Variants in LARS2 observed in about 807,000 individuals in gnomAD.
LARS2 encodes the protein leucine--tRNA ligase, mitochondrial.
Under a neutral mutation model 116.6 loss-of-function variants are expected in LARS2, and 81 were observed. The observed-to-expected ratio is 0.69, with a 90% CI of 0.58 to 0.84. LARS2 has a LOEUF of 0.84. LARS2 is among the 40% of genes least tolerant of loss of function. The pLI is 0.00. For synonymous variants in LARS2, 396 were observed against 407.2 expected, an observed-to-expected ratio of 0.97 and a Z score of 0.33; for missense variants, 968 against 1,114.5, an observed-to-expected ratio of 0.87 and a Z score of 1.87.
rs191740238 is a variant in LARS2, at chr3:45,533,719, G to A, written c.2405-8110G>A. Among the ~76,000 whole-genome samples the A allele has an allele frequency of 2.2e-4, 34 of 152,180 alleles. 1 individual carries two copies. The East Asian group carries it at 6.4e-3, about 29-fold the overall frequency. ...GGGTCAGAGGATCTACTCTGTCTAG[G>A]GTCCTTCCTCTCCCTGGCAGGTCTT... On this transcript the variant is annotated intron_variant, in intron 20 of 21. Transcript: ENST00000645846.
At chr3:45,512,918 G>A (rs1162487025) in intron 15 of LARS2, among the ~76,000 whole-genome samples, 6 of 152,170 alleles carry the variant, frequency 3.9e-5, no homozygotes, top group African/African-American at 1.2e-4. Context: ...TTGGGGGGCC[G>A]AGGCAGGTGG....
chr3:45,543,846 G>A (rs1056332701), intron 21 of LARS2, among the ~76,000 whole-genome samples: 3 of 152,140 alleles, frequency 2.0e-5, no homozygotes, highest in African/African-American at 7.2e-5. Flanking sequence ...TCCTCAGCCC[G>A]GTTGAGAAAT....
intron 12 of LARS2, 139 bp from the exon 13 acceptor site, chr3:45,491,378 A>G (rs937975610): frequency 8.8e-5 from 73 of 829,580 alleles, no homozygotes; most frequent in Non-Finnish European, 1.0e-4. Context: ...CCTAGGGCTC[A>G]TGAAAGTTAT....
chr3:45,419,557 C>T (rs2125687856), intron 5 of LARS2, 112 bp from the exon 6 acceptor site: 1 of 818,082 alleles, frequency 1.2e-6, no homozygotes, highest in South Asian at 1.6e-5. Flanking sequence ...ACACTTAAAA[C>T]CCATTTGAAT....
intron 10 of LARS2, among the ~76,000 whole-genome samples, chr3:45,482,191 A>T (rs1458554779): frequency 6.6e-6 from 1 of 152,144 alleles, no homozygotes; most frequent in African/African-American, 2.4e-5. Context: ...GGGCTTCACA[A>T]TTGTTTTTTA....
intron 3 of LARS2, among the ~76,000 whole-genome samples, chr3:45,399,534 T>G (rs879856139): frequency 6.6e-6 from 1 of 152,168 alleles, no homozygotes; most frequent in Non-Finnish European, 1.5e-5. Context: ...TTTACTTTCC[T>G]AATAATCTTG....
chr3:45,461,316 T>G (rs1699319864), intron 8 of LARS2, among the ~76,000 whole-genome samples: 1 of 151,896 alleles, frequency 6.6e-6, no homozygotes, highest in Non-Finnish European at 1.5e-5. Context: ...TAGGTAGACA[T>G]GAAACTTCAG....
rs150173813 is a variant in LARS2, at chr3:45,543,228, A to G, written c.2532+1272A>G. 1.1e-4 allele frequency among the ~76,000 whole-genome samples: 17 copies of G among 152,334 alleles called. No individual in the cohort carries two copies. In the East Asian group the frequency reaches 3.3e-3, roughly 29 times the overall value. ...AACCAAAACCAACCATCCTTGTGGC[A>G]TGGAGGAAATTTCTTTTCTTTCTTT... On this transcript the variant is annotated intron_variant, in intron 21 of 21. Transcript: ENST00000645846.
At position 45,524,010 on chromosome 3, in the gene LARS2, G is replaced by C. The variant is rs551442373; in HGVS notation, c.2306G>C (p.Ser769Thr). Reference sequence around the variant, plus strand: ...CCTCTTCCTTAGCAAGCCTCTCAGAGCGTCATTCTCCACAGCCCCGAGTTT... The same window carrying C: ...CCTCTTCCTTAGCAAGCCTCTCAGACCGTCATTCTCCACAGCCCCGAGTTT... ...LSNALSQASQ[S>T]VILHSPEFED... Residue 769 changes from serine (S) to threonine (T), a missense_variant, in exon 20 of 22, where the codon AGC becomes ACC. Coordinates refer to ENST00000645846, the MANE Select transcript of LARS2 (RefSeq NM_015340.4). 1 of 1,613,708 alleles carries C rather than the reference G, an allele frequency of 6.2e-7. No individual in the cohort carries two copies. Among genetic ancestry groups the C allele is most frequent in the Non-Finnish European group, 8.5e-7 (1 of 1,179,772 alleles).
At chr3:45,507,620 A>G (rs553309515) in intron 15 of LARS2, among the ~76,000 whole-genome samples, 2 of 152,242 alleles carry the variant, frequency 1.3e-5, no homozygotes, top group South Asian at 4.1e-4. Flanking sequence ...TTTCAATTAA[A>G]TTACAAAGAA....
chr3:45,419,792 C>T, intron 6 of LARS2, 63 bp downstream of exon 6: 2 of 1,297,212 alleles, frequency 1.5e-6, no homozygotes, highest in East Asian at 2.3e-5. Flanking sequence ...GCAGGGAGCA[C>T]TCTTCTTCCT....
At chr3:45,439,134 C>G (rs1402520578) in intron 6 of LARS2, among the ~76,000 whole-genome samples, 1 of 147,708 alleles carries the variant, frequency 6.8e-6, no homozygotes, top group East Asian at 2.1e-4. Flanking sequence ...AGGCCATTCT[C>G]ATTAGGTTTT....
At chr3:45,451,470 C>T (rs1357162653) in intron 7 of LARS2, among the ~76,000 whole-genome samples, 1 of 152,038 alleles carries the variant, frequency 6.6e-6, no homozygotes, top group Non-Finnish European at 1.5e-5. Context: ...GTCTTTTCCC[C>T]AATGTATGTT....
chr3:45,456,658 A>G (rs1234765405), intron 7 of LARS2, among the ~76,000 whole-genome samples: 1 of 152,202 alleles, frequency 6.6e-6, no homozygotes, highest in Admixed American at 6.5e-5. Flanking sequence ...AGATAAGGAA[A>G]TGGACCTTTG....
At chr3:45,453,331 A>G (rs1052369784) in intron 7 of LARS2, among the ~76,000 whole-genome samples, 5 of 152,070 alleles carry the variant, frequency 3.3e-5, no homozygotes, top group Non-Finnish European at 5.9e-5. Flanking sequence ...GTTGATTATC[A>G]GTCTTGTGCT....
chr3:45,510,632 C>G lies in LARS2; in HGVS notation c.1761-2503C>G, dbSNP rs1025412145. On this transcript the variant is annotated intron_variant, in intron 15 of 21. Transcript: ENST00000645846. ...GGAAGGAGGACTAGAGTTTTGATAACAGTTTGGGAAATGGCGTGAGTAAAG... is the reference window on the plus strand; with the variant it reads ...GGAAGGAGGACTAGAGTTTTGATAAGAGTTTGGGAAATGGCGTGAGTAAAG... Among the ~76,000 whole-genome samples, 3 of 152,152 alleles carry G rather than the reference C, an allele frequency of 2.0e-5. No homozygotes were observed. In the East Asian group the frequency reaches 5.8e-4, roughly 29 times the overall value.
chr3:45,479,324 G>T (rs886854071), intron 10 of LARS2, among the ~76,000 whole-genome samples: 13 of 152,192 alleles, frequency 8.5e-5, no homozygotes, highest in African/African-American at 3.1e-4. Context: ...GAGGGGCCCT[G>T]TGGAGGAGAG....
intron 12 of LARS2, 140 bp from the exon 13 acceptor site, chr3:45,491,377 C>A (rs1205684846): frequency 2.5e-6 from 2 of 807,962 alleles, no homozygotes; most frequent in Non-Finnish European, 4.0e-6. Context: ...ACCTAGGGCT[C>A]ATGAAAGTTA....
In LARS2 at chr3:45,446,902, G is replaced by T. The variant is rs777360535; in HGVS notation, c.528G>T (p.Thr176=). 4 of 1,606,314 alleles carry T rather than the reference G, an allele frequency of 2.5e-6. No individual in the cohort carries two copies. Among genetic ancestry groups the T allele is most frequent in the African/African-American group, 1.3e-5 (1 of 74,784 alleles). ...LCFSWDREIT[T]CLPDYYKWTQ... Reference sequence around the variant, plus strand: ...TTCTTTGTTGGCAGGAAATAACTACGTGTTTGCCAGATTACTACAAGTGGA... The same window carrying T: ...TTCTTTGTTGGCAGGAAATAACTACTTGTTTGCCAGATTACTACAAGTGGA... The change falls in exon 7 of 22, where the codon ACG becomes ACT. Residue 176 remains threonine, a synonymous_variant. Coordinates refer to ENST00000645846, the MANE Select transcript of LARS2 (RefSeq NM_015340.4).
Sources: gnomAD v4.1 joint callset for allele counts (sites outside exome capture counted in the v4.1 genomes callset) on GRCh38, gnomAD v4.1.1 for gene constraint, MANE v1.5 for transcripts, NCBI Gene and HGNC (gene_info 2026-07-23, HGNC 2026-07-21) for gene names.